ZNF420: variants seen among roughly 807,000 people sequenced by gnomAD.
The protein encoded by ZNF420 is zinc finger protein 420, also known as ATM and p53-associated KZNF protein.
ZNF420 carries 31 observed loss-of-function variants against 44.7 expected under a neutral mutation model. The ratio of observed to expected loss-of-function variants is 0.69; its 90% CI spans 0.52 to 0.94. The LOEUF is 0.94. Ranked by LOEUF, ZNF420 falls within the 40% of genes least tolerant of loss-of-function variation. The probability of loss-of-function intolerance (pLI) is 0.00; values close to 1 mark genes in which losing one functional copy is unlikely to be tolerated. For synonymous variants in ZNF420, 245 were observed against 267.4 expected, an observed-to-expected ratio of 0.92 and a Z score of 0.82; for missense variants, 681 against 827.9, an observed-to-expected ratio of 0.82 and a Z score of 2.18.
At chr19:37,119,836 A>G (rs1970921877) in intron 4 of ZNF420, among the ~76,000 whole-genome samples, 1 of 152,200 alleles carries the variant, frequency 6.6e-6, no homozygotes, top group Non-Finnish European at 1.5e-5. Flanking sequence ...TCAGAATACT[A>G]CAAACACCTC....
At chr19:37,108,729 G>C (rs1048349213) in intron 4 of ZNF420, among the ~76,000 whole-genome samples, 2 of 152,006 alleles carry the variant, frequency 1.3e-5, no homozygotes, top group Non-Finnish European at 2.9e-5. Flanking sequence ...TAGAAAGACT[G>C]TAATTTTTTG....
intron 1 of ZNF420, chr19:37,025,135 T>C: frequency 2.7e-6 from 1 of 367,290 alleles, no homozygotes; most frequent in Middle Eastern, 3.9e-4. Flanking sequence ...CAAACATTTA[T>C]AGGGTTTCTC....
intron 1 of ZNF420, among the ~76,000 whole-genome samples, chr19:37,072,697 C>T (rs1968077053): frequency 6.6e-6 from 1 of 152,096 alleles, no homozygotes; most frequent in Non-Finnish European, 1.5e-5. Context: ...TTTCAGGATT[C>T]TCAATCCAAC....
chr19:37,111,608 A>G (rs1599700055), intron 4 of ZNF420: 2 of 152,222 alleles, frequency 1.3e-5, no homozygotes, highest in African/African-American at 4.8e-5. Context: ...AGCACATCAA[A>G]TATCAACGTA....
chr19:37,059,449 GTGGCAGTGCT>G (rs1967827875), intron 1 of ZNF420, among the ~76,000 whole-genome samples: 5 of 152,376 alleles, frequency 3.3e-5, no homozygotes, highest in African/African-American at 1.2e-4. Context: ...GGAGCCCTCC[GTGGCAGTGCT>G]TGGCTGTCGG....
chr19:37,102,518 C>T (rs755123089), intron 4 of ZNF420, among the ~76,000 whole-genome samples: 1 of 152,140 alleles, frequency 6.6e-6, no homozygotes, highest in African/African-American at 2.4e-5. Flanking sequence ...ATTGCACGCC[C>T]AAGGCCAAAT....
intron 1 of ZNF420, among the ~76,000 whole-genome samples, chr19:37,044,597 G>T (rs1967512378): frequency 6.6e-6 from 1 of 152,032 alleles, no homozygotes; most frequent in South Asian, 2.1e-4. Flanking sequence ...CGGGTGCGGT[G>T]GCTCATGCCT....
At chr19:37,099,832 C>T (rs1332441891) in intron 4 of ZNF420, among the ~76,000 whole-genome samples, 2 of 152,102 alleles carry the variant, frequency 1.3e-5, no homozygotes, top group South Asian at 4.1e-4. Flanking sequence ...ACTGTGTTAG[C>T]CAGGATGGTC....
chr19:37,039,310 A>C lies in ZNF420; in HGVS notation c.-125+31228A>C, dbSNP rs538940136. 5.0e-4 allele frequency among the ~76,000 whole-genome samples: 76 copies of C among 152,350 alleles called. 1 individual carries two copies. Among genetic ancestry groups the C allele is most frequent in the African/African-American group, 1.7e-3 (72 of 41,578 alleles). ...TGATCTATGGCAGCAACAGGCTTAT[A>C]AAATATATTTCTCAAATAATAAGAC... On this transcript the variant is annotated intron_variant, in intron 1 of 4. Transcript: ENST00000587029.
At chr19:37,095,626 C>T (rs1265500527) in intron 4 of ZNF420, among the ~76,000 whole-genome samples, 1 of 151,156 alleles carries the variant, frequency 6.6e-6, no homozygotes, top group Non-Finnish European at 1.5e-5. Flanking sequence ...GAGATGGGGT[C>T]TCATTCTTGT....
At chr19:37,037,061 G>T in intron 1 of ZNF420, among the ~76,000 whole-genome samples, 1 of 152,122 alleles carries the variant, frequency 6.6e-6, no homozygotes, top group East Asian at 1.9e-4. Flanking sequence ...GCGTACCCCC[G>T]TGTGGGGGAC....
At chr19:37,055,240 G>A (rs1967717584) in intron 1 of ZNF420, among the ~76,000 whole-genome samples, 2 of 152,188 alleles carry the variant, frequency 1.3e-5, no homozygotes, top group Admixed American at 1.3e-4. Flanking sequence ...AAGAAAAGTA[G>A]TTCAGTGAGG....
At chr19:37,070,229 A>G (rs1049438538) in intron 1 of ZNF420, among the ~76,000 whole-genome samples, 3 of 152,170 alleles carry the variant, frequency 2.0e-5, no homozygotes, top group Admixed American at 2.0e-4. Context: ...GCACACATAC[A>G]TAACACAGAA....
At chr19:37,075,990 T>C (rs1441492764), upstream of ZNF420, among the ~76,000 whole-genome samples, 1 of 123,116 alleles carries the variant, frequency 8.1e-6, no homozygotes, top group Non-Finnish European at 1.7e-5. Flanking sequence ...GCAGTCTACG[T>C]TTCTGATGGT....
chr19:37,045,801 G>T (rs1311271827), intron 1 of ZNF420, among the ~76,000 whole-genome samples: 1 of 152,178 alleles, frequency 6.6e-6, no homozygotes, highest in Non-Finnish European at 1.5e-5. Flanking sequence ...CTAAAACAGT[G>T]GTTGGCCCAT....
chr19:37,079,750 T>G (rs1432854339), intron 1 of ZNF420, among the ~76,000 whole-genome samples: 1 of 152,136 alleles, frequency 6.6e-6, no homozygotes, highest in South Asian at 2.1e-4. Context: ...CTGTGCGCGG[T>G]GGCTCACATC....
At chr19:37,022,904 G>A (rs12977170) in intron 1 of ZNF420, among the ~76,000 whole-genome samples, 15,574 of 152,176 alleles carry the variant, frequency 0.1, 1,021 homozygotes, top group Middle Eastern at 0.18. Context: ...TTGGGAGGCC[G>A]AAGCAAGCGG....
chr19:37,026,036 C>T (rs779580867), intron 1 of ZNF420, among the ~76,000 whole-genome samples: 1 of 152,198 alleles, frequency 6.6e-6, no homozygotes, highest in South Asian at 2.1e-4. Flanking sequence ...GGCATAAGGC[C>T]GGGTGTAGTG....
Position 37,128,024 on chromosome 19 carries a change from A to G in ZNF420, c.1033A>G (p.Ile345Val), listed in dbSNP as rs1199353157. 1 of 1,613,842 alleles carries G rather than the reference A, an allele frequency of 6.2e-7. No individual in the cohort carries two copies. The highest frequency in any genetic ancestry group is 8.5e-7 in the Non-Finnish European group (1 of 1,179,938). Residue 345 changes from isoleucine to valine, a missense_variant, in exon 5 of 5, where the codon ATT (isoleucine) becomes GTT (valine). Ile to Val is a conservative substitution (Grantham distance 29, BLOSUM62 3). This residue lies in a region of ZNF420 where 51 missense variants were observed against 106.8 expected (regional missense o/e 0.48). Transcript: ENST00000337995. ...ATGTAAGGAATGTGGAAGGGCCTTTATTCGGGGCTCACTACTGATGCAACA... is the reference window on the plus strand; with the variant it reads ...ATGTAAGGAATGTGGAAGGGCCTTTGTTCGGGGCTCACTACTGATGCAACA... ...YECKECGRAF[I>V]RGSLLMQHQR...
Sources: allele counts gnomAD v4.1 joint callset (sites outside exome capture counted in the v4.1 genomes callset), GRCh38; gene constraint gnomAD v4.1.1; regional missense constraint gnomAD v4.1.1; transcripts MANE v1.5; gene names NCBI Gene and HGNC (gene_info 2026-07-23, HGNC 2026-07-21).